Variants in CALN1 observed in about 807,000 individuals in gnomAD.
CALN1 encodes the protein calcium-binding protein 8.
In CALN1, 17 loss-of-function variants were observed where a neutral mutation model predicts 30.6. That is an observed-to-expected ratio of 0.56 (90% CI 0.38 to 0.83). CALN1 has a LOEUF of 0.83. CALN1 is among the 40% of genes least tolerant of loss of function. CALN1 has a pLI of 0.00. For synonymous variants in CALN1, 156 were observed against 131.4 expected, an observed-to-expected ratio of 1.19 and a Z score of -1.28; for missense variants, 291 against 354.9, an observed-to-expected ratio of 0.82 and a Z score of 1.45.
At position 72,390,403 on chromosome 7, in the gene CALN1, C is replaced by G. The variant is rs148272425; in HGVS notation, c.119+12848G>C. Among the ~76,000 whole-genome samples the G allele has an allele frequency of 6.2e-3, 945 of 152,114 alleles. 9 individuals carry two copies. Among genetic ancestry groups the G allele is most frequent in the African/African-American group, 0.021 (868 of 41,464 alleles). ...CCGAGATCACGCCACTGCACTCTAG[C>G]CTGGGTGACAGTGCAAGACTCTGTC... On this transcript the variant is annotated intron_variant, in intron 2 of 6. Coordinates refer to ENST00000395275, the MANE Select transcript of CALN1 (RefSeq NM_031468.4).
chr7:72,412,633 C>T (rs1249422868), upstream of CALN1, among the ~76,000 whole-genome samples: 4 of 152,214 alleles, frequency 2.6e-5, no homozygotes, highest in African/African-American at 9.6e-5. Context: ...ACCCAGGGGC[C>T]ACTGCTGGAG....
intron 5 of CALN1, among the ~76,000 whole-genome samples, chr7:71,832,463 T>C (rs1040714641): frequency 6.6e-6 from 1 of 152,242 alleles, no homozygotes; most frequent in African/African-American, 2.4e-5. Flanking sequence ...TGATTCTGTA[T>C]GCAGGGACTG....
At chr7:72,342,181 C>G (rs1320583549) in intron 2 of CALN1, among the ~76,000 whole-genome samples, 1 of 151,604 alleles carries the variant, frequency 6.6e-6, no homozygotes, top group African/African-American at 2.4e-5. Context: ...ATGGTTTGAG[C>G]CCAGGAGTTC....
At chr7:71,921,991 G>A (rs1794971905) in intron 5 of CALN1, among the ~76,000 whole-genome samples, 3 of 152,178 alleles carry the variant, frequency 2.0e-5, no homozygotes, top group African/African-American at 4.8e-5. Flanking sequence ...AACAATGAGT[G>A]CGTTCTTACT....
At chr7:71,804,965 T>G (rs986255284) in intron 6 of CALN1, among the ~76,000 whole-genome samples, 1 of 151,990 alleles carries the variant, frequency 6.6e-6, no homozygotes, top group Non-Finnish European at 1.5e-5. Flanking sequence ...AAAAAAAATA[T>G]AAATAAAATA....
intron 5 of CALN1, among the ~76,000 whole-genome samples, chr7:72,015,389 T>C (rs1800317762): frequency 6.6e-6 from 1 of 152,160 alleles, no homozygotes; most frequent in African/African-American, 2.4e-5. Context: ...GTATTGAATA[T>C]TCAATTTAAT....
At chr7:72,028,216 A>C (rs939617168) in intron 4 of CALN1, among the ~76,000 whole-genome samples, 2 of 152,150 alleles carry the variant, frequency 1.3e-5, no homozygotes, top group African/African-American at 4.8e-5. Flanking sequence ...CAGCACCAGG[A>C]GAACGAGGCT....
At chr7:72,436,948 T>C (rs2129564229) in intron 1 of CALN1, among the ~76,000 whole-genome samples, 1 of 152,190 alleles carries the variant, frequency 6.6e-6, no homozygotes, top group Admixed American at 6.5e-5. Context: ...CACACACCTG[T>C]AGTCCCAGCT....
intron 3 of CALN1, among the ~76,000 whole-genome samples, chr7:72,149,618 A>G (rs1787062669): frequency 6.6e-6 from 1 of 151,894 alleles, no homozygotes. Flanking sequence ...CGTTCCCCAC[A>G]CTTTAGACCA....
At chr7:72,207,888 T>C (rs1182214242) in intron 3 of CALN1, among the ~76,000 whole-genome samples, 3 of 152,220 alleles carry the variant, frequency 2.0e-5, no homozygotes, top group African/African-American at 7.2e-5. Flanking sequence ...ACAAAAAATC[T>C]ATACAAATTT....
chr7:72,064,968 T>A lies in CALN1; in HGVS notation c.388+41183A>T, dbSNP rs542195630. ...CTTCTGTGCAGAAACATAGCTGCAG[T>A]GCACTTGGGCACAAACAGACATCAG... On this transcript the variant is annotated intron_variant, in intron 4 of 6. Coordinates refer to ENST00000395275, the MANE Select transcript of CALN1 (RefSeq NM_031468.4). Among the ~76,000 whole-genome samples, 360 of 151,860 alleles carry A rather than the reference T, an allele frequency of 2.4e-3. 1 individual carries two copies. Among genetic ancestry groups the A allele is most frequent in the Non-Finnish European group, 4.1e-3 (277 of 67,970 alleles).
At chr7:72,410,921 T>C (rs1478212159) in intron 1 of CALN1, among the ~76,000 whole-genome samples, 1 of 152,086 alleles carries the variant, frequency 6.6e-6, no homozygotes, top group Non-Finnish European at 1.5e-5. Context: ...CCAACATGAT[T>C]AGACAATTAG....
chr7:72,011,218 G>GA (rs1451173418), intron 5 of CALN1, among the ~76,000 whole-genome samples: 2 of 150,428 alleles, frequency 1.3e-5, no homozygotes, highest in Admixed American at 6.6e-5. Context: ...GGCAATATAG[G>GA]AAAAAACAAA....
At chr7:71,859,474 G>A (rs1791149213) in intron 5 of CALN1, among the ~76,000 whole-genome samples, 1 of 152,168 alleles carries the variant, frequency 6.6e-6, no homozygotes, top group African/African-American at 2.4e-5. Flanking sequence ...GTTCCCGTCA[G>A]AGGCCTCTAG....
chr7:71,858,028 C>T (rs1791054790), intron 5 of CALN1, among the ~76,000 whole-genome samples: 1 of 152,134 alleles, frequency 6.6e-6, no homozygotes, highest in Non-Finnish European at 1.5e-5. Flanking sequence ...CTCAGGACCC[C>T]TGATATGGTT....
intron 6 of CALN1, among the ~76,000 whole-genome samples, chr7:71,788,478 G>GTTTTTTTTTT (rs71092906): frequency 2.8e-5 from 4 of 141,788 alleles, no homozygotes; most frequent in African/African-American, 1.1e-4. Context: ...TTACTAAGAG[G>GTTTTTTTTTT]TTTTTTTTTG....
chr7:72,304,717 TATATAA>T (rs763798574), intron 2 of CALN1, among the ~76,000 whole-genome samples: 11 of 152,194 alleles, frequency 7.2e-5, no homozygotes, highest in African/African-American at 1.9e-4. Flanking sequence ...TAATCACAAC[TATATAA>T]ATATAATTAC....
At chr7:72,495,085 C>T in the CALN1 span, among the ~76,000 whole-genome samples, 1 of 152,166 alleles carries the variant, frequency 6.6e-6, no homozygotes, top group Non-Finnish European at 1.5e-5. Context: ...GGGACCCACA[C>T]AAGTGCATGA....
chr7:71,846,191 C>T (rs955684375), intron 5 of CALN1, among the ~76,000 whole-genome samples: 5 of 152,154 alleles, frequency 3.3e-5, no homozygotes, highest in African/African-American at 9.7e-5. Context: ...AACAAAGAAT[C>T]GCCCTATGAA....
Sources: gnomAD v4.1 joint callset for allele counts (sites outside exome capture counted in the v4.1 genomes callset) on GRCh38, gnomAD v4.1.1 for gene constraint, MANE v1.5 for transcripts, NCBI Gene and HGNC (gene_info 2026-07-23, HGNC 2026-07-21) for gene names.